NUDT5: variants seen among roughly 807,000 people sequenced by gnomAD.
The protein encoded by NUDT5 is ADP-sugar pyrophosphatase.
A neutral mutation model predicts 34.1 loss-of-function variants in NUDT5; 21 were observed. The ratio of observed to expected loss-of-function variants is 0.62; its 90% CI spans 0.44 to 0.89. The LOEUF (loss-of-function observed/expected upper bound fraction) is 0.89. Among genes scored for constraint, NUDT5 ranks in the 40% least tolerant of loss-of-function variants. The probability of loss-of-function intolerance (pLI) is 0.00; values close to 1 mark genes in which losing one functional copy is unlikely to be tolerated. For missense variants in NUDT5, 249 were observed against 274.8 expected (o/e 0.91, Z 0.66); for synonymous variants, 85 against 97.6 (o/e 0.87, Z 0.76).
Position 12,182,064 on chromosome 10 carries a change from G to A in NUDT5, c.131+2825C>T, listed in dbSNP as rs766761645. ...GAATTGCTAGAACCAGGGAGGTAGA[G>A]GTTGCAGTGAGCTGAGACCACACCA... On this transcript the variant is annotated intron_variant, in intron 3 of 9. Transcript: ENST00000491614. The surrounding 1 kb of genome is among the most constrained non-coding windows in gnomAD (Gnocchi z 4.3). Among the ~76,000 whole-genome samples, 7 of 151,890 alleles carry A rather than the reference G, an allele frequency of 4.6e-5. No homozygotes were observed. Among genetic ancestry groups the A allele is most frequent in the Non-Finnish European group, 1.0e-4 (7 of 67,992 alleles).
chr10:12,170,240 A>T lies in NUDT5; in HGVS notation c.550+477T>A, dbSNP rs1834826936. The T allele has an allele frequency of 5.1e-6, 8 of 1,569,806 alleles. No individual in the cohort carries two copies. On this transcript the variant is annotated intron_variant, in intron 9 of 9. Transcript: ENST00000491614. The surrounding 1 kb of genome is among the most constrained non-coding windows in gnomAD (Gnocchi z 4.9). ...GGCCACACAGCTGGTTTGGTTTATT[A>T]TGTGAAAAGCATATCACACGGAGTA... is the stretch of plus-strand genomic sequence containing the variant.
At chr10:12,185,079 A>T in intron 2 of NUDT5, 123 bp from the exon 3 acceptor site, 1 of 598,726 alleles carries the variant, frequency 1.7e-6, no homozygotes, top group Admixed American at 3.3e-5. Context: ...TTTCCTTCCC[A>T]ATAATCTGTG....
intron 1 of NUDT5, among the ~76,000 whole-genome samples, chr10:12,193,726 A>G (rs1372924124): frequency 6.6e-6 from 1 of 152,238 alleles, no homozygotes; most frequent in Non-Finnish European, 1.5e-5. Context: ...ACACACTTCT[A>G]AAGTATACTG....
At chr10:12,184,444 G>A (rs1426312389) in intron 3 of NUDT5, 4 of 1,505,572 alleles carry the variant, frequency 2.7e-6, no homozygotes, top group African/African-American at 2.8e-5. Flanking sequence ...GAAATAGGGT[G>A]TACAAAATGT....
chr10:12,174,679 CA>C (rs1342635266), intron 5 of NUDT5, among the ~76,000 whole-genome samples: 1 of 152,226 alleles, frequency 6.6e-6, no homozygotes, highest in Non-Finnish European at 1.5e-5. Flanking sequence ...CCAGATCCAT[CA>C]TGAGCCTTCA....
Position 12,170,259 on chromosome 10 carries a change from C to A in NUDT5, c.550+458G>T. 2.1e-6 allele frequency: 3 copies of A among 1,456,618 alleles called. No homozygotes were observed. The highest frequency in any genetic ancestry group is 2.9e-6 in the Non-Finnish European group (3 of 1,039,822). 90.2% of individuals were successfully genotyped at this position (1,456,618 alleles called of 1,614,324 possible). A position where few individuals can be genotyped will look rare whatever the true frequency, so the allele number is the denominator to read the frequency against. The stretch of plus-strand genomic sequence containing the variant: ...TTTATTATGTGAAAAGCATATCACA[C>A]GGAGTATACAGGAAATACCTCAAGT... On this transcript the variant is annotated intron_variant, in intron 9 of 9. Transcript: ENST00000491614. This position sits in a 1 kb window ranked among gnomAD's most constrained non-coding sequence, Gnocchi z 4.9.
chr10:12,188,898 G>A (rs1050539821), intron 1 of NUDT5, among the ~76,000 whole-genome samples: 44 of 152,262 alleles, frequency 2.9e-4, no homozygotes, highest in African/African-American at 1.0e-3. Flanking sequence ...GAGAAGTGTG[G>A]GGAAGATGGG....
chr10:12,178,219 T>A (rs934756816), intron 4 of NUDT5, among the ~76,000 whole-genome samples: 9 of 152,168 alleles, frequency 5.9e-5, no homozygotes, highest in African/African-American at 1.7e-4. Context: ...CAGAACCACT[T>A]TCCAGCGTGT....
chr10:12,194,092 G>A (rs1045328695), intron 1 of NUDT5, among the ~76,000 whole-genome samples: 6 of 152,194 alleles, frequency 3.9e-5, no homozygotes, highest in Admixed American at 6.5e-5. Flanking sequence ...GGACAGGCTG[G>A]TCAAACTCCT....
At chr10:12,174,789 G>A (rs993979149) in intron 5 of NUDT5, among the ~76,000 whole-genome samples, 3 of 152,182 alleles carry the variant, frequency 2.0e-5, no homozygotes, top group Non-Finnish European at 2.9e-5. Context: ...CTTGCTGTGT[G>A]GCTGCAGCAC....
rs754581615 is a variant in NUDT5, at chr10:12,173,854, C to T, written c.290-41G>A. 47 of 1,444,486 alleles carry T rather than the reference C, an allele frequency of 3.3e-5. No homozygotes were observed. In the South Asian group the frequency reaches 3.5e-4, roughly 11 times the overall value. 89.5% of individuals were successfully genotyped at this position (1,444,486 alleles called of 1,614,324 possible). A position where few individuals can be genotyped will look rare whatever the true frequency, so the allele number is the denominator to read the frequency against. On this transcript the variant is annotated intron_variant, in intron 5 of 9. Transcript: ENST00000491614. This position sits in a 1 kb window ranked among gnomAD's most constrained non-coding sequence, Gnocchi z 4.7. The stretch of plus-strand genomic sequence containing the variant: ...ATTGGTGTGATGGGAGCGGGAAATC[C>T]GGTTCTTTAAACCCTCCTTTTTTTT...
At position 12,181,356 on chromosome 10, in the gene NUDT5, C is replaced by T. The variant is rs1835038135; in HGVS notation, c.132-2224G>A. ...TATCTGCAGGGGGTCCTGGAACCAACCCCGACAGACACCAAGTGACAGCTG... is the reference window on the plus strand; with the variant it reads ...TATCTGCAGGGGGTCCTGGAACCAATCCCGACAGACACCAAGTGACAGCTG... On this transcript the variant is annotated intron_variant, in intron 3 of 9. Coordinates refer to ENST00000491614, the MANE Select transcript of NUDT5 (RefSeq NM_014142.4). The surrounding 1 kb of genome is among the most constrained non-coding windows in gnomAD (Gnocchi z 5.0). Among the ~76,000 whole-genome samples, 1 of 152,158 alleles carries T rather than the reference C, an allele frequency of 6.6e-6. No individual in the cohort carries two copies. Among genetic ancestry groups the T allele is most frequent in the South Asian group, 2.1e-4 (1 of 4,834 alleles).
chr10:12,177,642 G>A, intron 5 of NUDT5, 151 bp downstream of exon 5: 1 of 630,008 alleles, frequency 1.6e-6, no homozygotes, highest in South Asian at 1.9e-5. Flanking sequence ...GTGTCCTGGG[G>A]GCCTGGAGGA....
chr10:12,169,922 T>G lies in NUDT5; in HGVS notation c.550+795A>C. The G allele has an allele frequency of 3.8e-6, 2 of 519,786 alleles. No individual in the cohort carries two copies. Among genetic ancestry groups the G allele is most frequent in the Non-Finnish European group, 3.4e-6 (1 of 291,912 alleles). 32.2% of individuals were successfully genotyped at this position (519,786 alleles called of 1,614,324 possible). ...GTAGAAAAATCAGTTATCAATTACC[T>G]AAAACACTTATACCCAATAAAATAT... On this transcript the variant is annotated intron_variant, in intron 9 of 9. Transcript: ENST00000491614. The surrounding 1 kb of genome is among the most constrained non-coding windows in gnomAD (Gnocchi z 4.8).
In NUDT5 at chr10:12,166,437, T is replaced by C. The variant is rs1834696240; in HGVS notation, c.*1265A>G. The C allele has an allele frequency of 9.0e-6, 2 of 222,058 alleles. No individual in the cohort carries two copies. The highest frequency in any genetic ancestry group is 1.1e-4 in the South Asian group (2 of 17,542). The allele number at this position is 222,058 out of a possible 1,614,324, so 13.8% of individuals were successfully genotyped here. ...ACATGTATAGGGCTAGACAGCTTCA[T>C]CTGTAAAGTTCTGTATTTCCATAAT... On this transcript the variant is annotated 3_prime_UTR_variant, in exon 10 of 10. Transcript: ENST00000491614.
chr10:12,189,113 CTT>C (rs35364431), intron 1 of NUDT5, among the ~76,000 whole-genome samples: 1 of 150,044 alleles, frequency 6.7e-6, no homozygotes, highest in Non-Finnish European at 1.5e-5. Context: ...ATTAGGTAAA[CTT>C]TTTTTTTTGA....
chr10:12,179,224 A>G (rs544757446), intron 3 of NUDT5, 92 bp from the exon 4 acceptor site: 10 of 913,872 alleles, frequency 1.1e-5, no homozygotes, highest in Admixed American at 2.0e-5. Context: ...CTTAAATGCA[A>G]TGCATGCAAA....
At chr10:12,191,400 A>G (rs1042058914) in intron 1 of NUDT5, among the ~76,000 whole-genome samples, 7 of 110,918 alleles carry the variant, frequency 6.3e-5, no homozygotes, top group African/African-American at 2.5e-4. Flanking sequence ...AAAACAAAAC[A>G]AAACAAAAAA....
In NUDT5 at chr10:12,166,369, G is replaced by C. The variant is rs1834693001; in HGVS notation, c.*1333C>G. The C allele has an allele frequency of 6.3e-6, 1 of 158,504 alleles. No individual in the cohort carries two copies. Among genetic ancestry groups the C allele is most frequent in the Non-Finnish European group, 1.4e-5 (1 of 71,596 alleles). 9.8% of individuals were successfully genotyped at this position (158,504 alleles called of 1,614,324 possible). ...GATTTAAAAAAGGGTTAGAGGCATA[G>C]GGGAAGGCTACCATTACAGGAAGTA... On this transcript the variant is annotated 3_prime_UTR_variant, in exon 10 of 10. Transcript: ENST00000491614.
Sources: gnomAD v4.1 joint callset for allele counts (sites outside exome capture counted in the v4.1 genomes callset) on GRCh38, gnomAD v4.1.1 for gene constraint, Gnocchi (gnomAD v3.1) non-coding constraint, MANE v1.5 for transcripts, NCBI Gene and HGNC (gene_info 2026-07-23, HGNC 2026-07-21) for gene names.